The following GNAQ variants were observed in gnomAD, a reference collection of about 807,000 sequenced individuals.
GNAQ encodes G protein subunit alpha q.
A neutral mutation model predicts 43.9 loss-of-function variants in GNAQ; 8 were observed. The observed-to-expected ratio is 0.18, with a 90% CI of 0.11 to 0.33. The LOEUF is 0.33. Among genes scored for constraint, GNAQ ranks in the 10% least tolerant of loss-of-function variants. The pLI is 1.00. For missense variants in GNAQ, 158 were observed against 450.8 expected (o/e 0.35, Z 5.88); for synonymous variants, 155 against 170.7 (o/e 0.91, Z 0.71).
chr9:77,753,571 G>A (rs955437110), intron 5 of GNAQ, among the ~76,000 whole-genome samples: 1 of 152,110 alleles, frequency 6.6e-6, no homozygotes, highest in Non-Finnish European at 1.5e-5. Flanking sequence ...TCTGAAATTA[G>A]GCCCATAAAC....
chr9:77,853,774 CAAAA>C (rs34924714), intron 2 of GNAQ, among the ~76,000 whole-genome samples: 12 of 56,744 alleles, frequency 2.1e-4, no homozygotes, highest in African/African-American at 7.6e-4. Context: ...AAATTACTAC[CAAAA>C]AAAAAAAAAA....
chr9:77,972,901 C>T (rs1163017232), intron 1 of GNAQ, among the ~76,000 whole-genome samples: 1 of 146,820 alleles, frequency 6.8e-6, no homozygotes, highest in Admixed American at 6.9e-5. Flanking sequence ...TGCAGTGAGC[C>T]GAGATCGTAC....
chr9:77,805,405 T>C (rs1013644907), intron 3 of GNAQ, among the ~76,000 whole-genome samples: 2 of 152,070 alleles, frequency 1.3e-5, no homozygotes, highest in Admixed American at 6.6e-5. Flanking sequence ...AGAAGCTTAC[T>C]TTTTTTCTTT....
chr9:77,879,176 T>C (rs73453790), intron 2 of GNAQ, among the ~76,000 whole-genome samples: 17,603 of 152,172 alleles, frequency 0.12, 1,070 homozygotes, highest in African/African-American at 0.17. Context: ...TACTGCAGTT[T>C]TAATTGTAAT....
chr9:77,904,677 G>T (rs1828674557), intron 2 of GNAQ, among the ~76,000 whole-genome samples: 1 of 152,034 alleles, frequency 6.6e-6, no homozygotes, highest in African/African-American at 2.4e-5. Context: ...TTAGTGCTTA[G>T]GTAAAATAAT....
intron 1 of GNAQ, among the ~76,000 whole-genome samples, chr9:77,933,074 T>A (rs1829174746): frequency 2.0e-5 from 3 of 152,066 alleles, no homozygotes; most frequent in Admixed American, 2.0e-4. Flanking sequence ...TGTGTATTCA[T>A]CCCAATGAAA....
At chr9:77,882,060 C>T (rs892695567) in intron 2 of GNAQ, among the ~76,000 whole-genome samples, 1 of 152,120 alleles carries the variant, frequency 6.6e-6, no homozygotes, top group African/African-American at 2.4e-5. Context: ...ACTGCTTGAA[C>T]CCAGAAGGCG....
chr9:78,018,340 TAAAAC>T (rs1310681596), intron 1 of GNAQ, among the ~76,000 whole-genome samples: 3 of 152,228 alleles, frequency 2.0e-5, no homozygotes, highest in African/African-American at 7.2e-5. Context: ...AACATAAAAA[TAAAAC>T]AGACTATAAA....
At chr9:77,760,927 T>C in intron 5 of GNAQ, among the ~76,000 whole-genome samples, 2 of 149,484 alleles carry the variant, frequency 1.3e-5, no homozygotes, top group Non-Finnish European at 3.0e-5. Flanking sequence ...GGAGCATCTC[T>C]GCCCAGCCGC....
chr9:77,739,847 A>T (rs1288312150), intron 5 of GNAQ, among the ~76,000 whole-genome samples: 2 of 152,204 alleles, frequency 1.3e-5, no homozygotes, highest in Non-Finnish European at 2.9e-5. Context: ...GAGAAATGGA[A>T]CTACACTGTG....
chr9:77,728,770 G>T, intron 5 of GNAQ, 103 bp from the exon 6 acceptor site: 1 of 781,274 alleles, frequency 1.3e-6, no homozygotes, highest in Non-Finnish European at 2.1e-6. Flanking sequence ...TTTTGTATAC[G>T]ACCAGTTTTT....
chr9:77,837,389 C>T (rs1827407747), intron 2 of GNAQ, among the ~76,000 whole-genome samples: 2 of 151,808 alleles, frequency 1.3e-5, no homozygotes, highest in African/African-American at 4.8e-5. Flanking sequence ...CCCGTCTCTA[C>T]TAGAAACAAA....
At chr9:77,845,689 T>A (rs1186841860) in intron 2 of GNAQ, among the ~76,000 whole-genome samples, 1 of 152,096 alleles carries the variant, frequency 6.6e-6, no homozygotes, top group Non-Finnish European at 1.5e-5. Context: ...CCAGAAACAC[T>A]GAAAGCAGCA....
At chr9:77,912,431 T>C (rs1044779565) in intron 2 of GNAQ, among the ~76,000 whole-genome samples, 2 of 152,178 alleles carry the variant, frequency 1.3e-5, no homozygotes, top group East Asian at 3.9e-4. Context: ...GAATGTAAAA[T>C]GTAAAACAAT....
intron 2 of GNAQ, among the ~76,000 whole-genome samples, chr9:77,868,592 TC>T (rs1165338332): frequency 6.6e-6 from 1 of 151,348 alleles, no homozygotes; most frequent in Non-Finnish European, 1.5e-5. Flanking sequence ...GGTCAAGAGA[TC>T]AAGACCATCC....
intron 2 of GNAQ, among the ~76,000 whole-genome samples, chr9:77,862,722 T>C (rs1827875173): frequency 6.6e-6 from 1 of 152,254 alleles, no homozygotes; most frequent in Non-Finnish European, 1.5e-5. Context: ...TCGTTACTTA[T>C]GCAAATTTCT....
intron 3 of GNAQ, among the ~76,000 whole-genome samples, chr9:77,808,745 C>G (rs534960609): frequency 1.3e-5 from 2 of 151,986 alleles, no homozygotes; most frequent in Non-Finnish European, 2.9e-5. Flanking sequence ...AGGAAAGTGA[C>G]GCTTAGTCAA....
chr9:77,749,963 T>C (rs1403967907), intron 5 of GNAQ, among the ~76,000 whole-genome samples: 2 of 152,146 alleles, frequency 1.3e-5, no homozygotes, highest in Non-Finnish European at 2.9e-5. Flanking sequence ...TTCACTAATT[T>C]AGACTGTTTT....
intron 5 of GNAQ, among the ~76,000 whole-genome samples, chr9:77,742,528 A>T (rs890352665): frequency 1.1e-4 from 17 of 152,168 alleles, no homozygotes; most frequent in Non-Finnish European, 2.4e-4. Flanking sequence ...AAAGTGTTTT[A>T]AAAAAGTTTG....
Sources: allele counts gnomAD v4.1 joint callset (sites outside exome capture counted in the v4.1 genomes callset), GRCh38; gene constraint gnomAD v4.1.1; transcripts MANE v1.5; gene names NCBI Gene and HGNC (gene_info 2026-07-23, HGNC 2026-07-21).